THAP9: variants seen among roughly 807,000 people sequenced by gnomAD.
THAP9 encodes the protein DNA transposase THAP9.
In THAP9, 20 loss-of-function variants were observed where a neutral mutation model predicts 35.7. The observed-to-expected ratio is 0.56, with a 90% CI of 0.39 to 0.81. THAP9 has a LOEUF of 0.81. THAP9 is among the 40% of genes least tolerant of loss of function. The pLI is 0.00. For missense variants in THAP9, 870 were observed against 1,047.4 expected (o/e 0.83, Z 2.34); for synonymous variants, 335 against 373.7 (o/e 0.90, Z 1.19).
rs756285549 is a variant in THAP9 at position 82,900,860 on chromosome 4, G to A, written c.58G>A (p.Glu20Lys). 5 of 1,613,516 alleles carry A rather than the reference G, an allele frequency of 3.1e-6. No homozygotes were observed. The highest frequency in any genetic ancestry group is 1.1e-5 in the South Asian group (1 of 91,084). The change falls in exon 1 of 5, where the codon GAG becomes AAG. Residue 20 changes from glutamate (E) to lysine (K), a missense_variant. This residue lies in a region of THAP9 where 440 missense variants were observed against 501.2 expected (regional missense o/e 0.88). Coordinates refer to ENST00000302236, the MANE Select transcript of THAP9 (RefSeq NM_024672.6). ...CSTRDTVLSR[E>K]RGLSFHQFPT... ...CACCCGTGACACCGTGCTCAGCCGG[G>A]AGCGCGGCCTCTCCTTCCACCAGTG...
chr4:82,902,006 G>A (rs1400144696), intron 1 of THAP9, among the ~76,000 whole-genome samples: 1 of 151,568 alleles, frequency 6.6e-6, no homozygotes, highest in Non-Finnish European at 1.5e-5. Context: ...AACGCACAAG[G>A]TAAATGCTTT....
At chr4:82,908,737 G>A (rs1323000480) in intron 4 of THAP9, among the ~76,000 whole-genome samples, 1 of 152,130 alleles carries the variant, frequency 6.6e-6, no homozygotes, top group African/African-American at 2.4e-5. Flanking sequence ...TGGGATTACA[G>A]GCATGTGCCA....
At chr4:82,902,671 A>C (rs1450679625) in intron 1 of THAP9, among the ~76,000 whole-genome samples, 1 of 152,266 alleles carries the variant, frequency 6.6e-6, no homozygotes, top group Non-Finnish European at 1.5e-5. Flanking sequence ...AAAAGAACTC[A>C]GTGAAAAAAG....
At chr4:82,908,126 T>G (rs1720730481) in intron 4 of THAP9, among the ~76,000 whole-genome samples, 191 bp downstream of exon 4, 1 of 152,176 alleles carries the variant, frequency 6.6e-6, no homozygotes, top group African/African-American at 2.4e-5. Context: ...GGACTCCCAT[T>G]ATTAGCCCAT....
chr4:82,905,157 A>G (rs1219148390), intron 2 of THAP9, among the ~76,000 whole-genome samples: 3 of 152,314 alleles, frequency 2.0e-5, no homozygotes, highest in Admixed American at 1.3e-4. Context: ...CTAGATATAT[A>G]TAAAGGTTAC....
chr4:82,904,866 T>A lies in THAP9; in HGVS notation c.211T>A (p.Phe71Ile), dbSNP rs765355912. Reference protein sequence around the residue: ...LCSKHFQESDFESYGIRRKLK... With the variant: ...LCSKHFQESDIESYGIRRKLK... ...TTCCAAACATTTTCAAGAAAGTGACTTTGAGTCATATGGCATAAGAAGAAA... is the reference window on the plus strand; with the variant it reads ...TTCCAAACATTTTCAAGAAAGTGACATTGAGTCATATGGCATAAGAAGAAA... Residue 71 changes from phenylalanine (F) to isoleucine (I), a missense_variant, in exon 2 of 5, where the codon TTT becomes ATT. Physicochemically the swap from Phe to Ile is conservative, Grantham distance 21. Coordinates refer to ENST00000302236, the MANE Select transcript of THAP9 (RefSeq NM_024672.6). 1.9e-6 allele frequency: 3 copies of A among 1,614,046 alleles called. No homozygotes were observed. The highest frequency in any genetic ancestry group is 2.5e-6 in the Non-Finnish European group (3 of 1,179,986).
intron 3 of THAP9, among the ~76,000 whole-genome samples, chr4:82,907,435 A>T (rs376594424): frequency 1.3e-4 from 20 of 152,186 alleles, no homozygotes; most frequent in African/African-American, 4.8e-4. Context: ...TTTCATATCT[A>T]ATTTTCACCC....
chr4:82,917,926 C>G lies in THAP9; in HGVS notation c.1714C>G (p.Leu572Val), dbSNP rs1352182328. 1 of 1,613,920 alleles carries G rather than the reference C, an allele frequency of 6.2e-7. No homozygotes were observed. The highest frequency in any genetic ancestry group is 1.3e-5 in the African/African-American group (1 of 75,030). The change falls in exon 5 of 5, where the codon CTA becomes GTA. Residue 572 changes from leucine (L) to valine (V), a missense_variant. Leu to Val is a conservative substitution (Grantham distance 32). Transcript: ENST00000302236. ...TCAAATAATTAAAGGTAAGCAAAAACTAGGATTCCTGGGATTTTTGCTCAA... is the reference window on the plus strand; with the variant it reads ...TCAAATAATTAAAGGTAAGCAAAAAGTAGGATTCCTGGGATTTTTGCTCAA... Reference protein sequence around the residue: ...NNQIIKGKQKLGFLGFLLNAE... With the variant: ...NNQIIKGKQKVGFLGFLLNAE...
intron 4 of THAP9, 146 bp downstream of exon 4, chr4:82,908,081 AT>A: frequency 2.5e-6 from 2 of 786,022 alleles, no homozygotes; most frequent in Non-Finnish European, 3.7e-6. Context: ...TCATACTCCC[AT>A]TTAAAAAAAG....
At position 82,918,268 on chromosome 4, in the gene THAP9, GTCT is replaced by G. The variant is rs1031788482; in HGVS notation, c.2058_2060del (p.Phe687del). On this transcript the variant is annotated inframe_deletion, in exon 5 of 5. Transcript: ENST00000302236. ...GTATGGTGTCAGCGTTACAAAGACT[GTCT>G]TTCACGAAGAGGGTATTTGTCAAGA... The G allele has an allele frequency of 1.9e-6, 3 of 1,614,070 alleles. No individual in the cohort carries two copies. In the African/African-American group the frequency reaches 4.0e-5, roughly 22 times the overall value.
intron 1 of THAP9, 137 bp downstream of exon 1, chr4:82,901,019 G>C: frequency 9.5e-7 from 1 of 1,049,342 alleles, no homozygotes; most frequent in Non-Finnish European, 1.4e-6. Context: ...CAGCGTCGGG[G>C]CGTGGGAGCG....
chr4:82,902,344 T>G (rs1299617932), intron 1 of THAP9, among the ~76,000 whole-genome samples: 1 of 151,642 alleles, frequency 6.6e-6, no homozygotes, highest in African/African-American at 2.4e-5. Context: ...ATTACAGGCA[T>G]GAGCCACCCT....
chr4:82,918,632 T>C lies in THAP9; in HGVS notation c.2420T>C (p.Leu807Pro). Reference sequence around the variant, plus strand: ...CTTCAACAGAAAATATTATGTGAGCTTTCTGGGCATATTAATCTTTTTGTA... The same window carrying C: ...CTTCAACAGAAAATATTATGTGAGCCTTCTGGGCATATTAATCTTTTTGTA... ...LYLQQKILCELSGHINLFVDV... is the reference protein window; with the variant it reads ...LYLQQKILCEPSGHINLFVDV... Residue 807 changes from leucine to proline, a missense_variant, in exon 5 of 5, where the codon CTT (leucine) becomes CCT (proline). By Grantham distance (98) the Leu-to-Pro change is moderately conservative (BLOSUM62 -3). Transcript: ENST00000302236. 6 of 1,614,116 alleles carry C rather than the reference T, an allele frequency of 3.7e-6. No individual in the cohort carries two copies. The highest frequency in any genetic ancestry group is 5.1e-6 in the Non-Finnish European group (6 of 1,179,976).
rs1376243541 is a variant in THAP9 at position 82,906,353 on chromosome 4, A to T, written c.306A>T (p.Lys102Asn). The T allele has an allele frequency of 6.2e-7, 1 of 1,606,576 alleles. No homozygotes were observed. Among genetic ancestry groups the T allele is most frequent in the Non-Finnish European group, 8.5e-7 (1 of 1,175,982 alleles). The part of the protein sequence containing the change: ...KIPQGVHLKG[K>N]ARQKILKQPL... ...CTCAAGGTGTACATCTTAAAGGTAA[A>T]GCAAGACAAAAAATCCTAAAACAAC... Residue 102 changes from lysine to asparagine, a missense_variant, in exon 3 of 5, where the codon AAA becomes AAT. Lys to Asn is a moderately conservative substitution (Grantham distance 94). Around this residue, in one of 3 missense-constraint regions of THAP9, gnomAD observed 440 missense variants for 501.2 expected, o/e 0.88. Coordinates refer to ENST00000302236, the MANE Select transcript of THAP9 (RefSeq NM_024672.6).
At chr4:82,905,214 A>G (rs112815395) in intron 2 of THAP9, among the ~76,000 whole-genome samples, 2,923 of 152,296 alleles carry the variant, frequency 0.019, 95 homozygotes, top group African/African-American at 0.065. Context: ...GCCTTAGAAT[A>G]CAGGCTTTTG....
In THAP9 at chr4:82,918,305, A is replaced by G. The variant is rs969781921; in HGVS notation, c.2093A>G (p.His698Arg). ...HEEGICQDWSHCSLSEALLDL... is the reference protein window; with the variant it reads ...HEEGICQDWSRCSLSEALLDL... ...GAGGGTATTTGTCAAGACTGGTCTC[A>G]TTGTTCACTAAGTGAGGCATTACTA... Residue 698 changes from histidine to arginine, a missense_variant, in exon 5 of 5, where the codon CAT becomes CGT. His to Arg is a conservative substitution (Grantham distance 29). Coordinates refer to ENST00000302236, the MANE Select transcript of THAP9 (RefSeq NM_024672.6). The G allele has an allele frequency of 3.7e-6, 6 of 1,614,046 alleles. No homozygotes were observed. The highest frequency in any genetic ancestry group is 1.7e-5 in the Admixed American group (1 of 60,006).
Position 82,917,267 on chromosome 4 carries a change from A to C in THAP9, c.1055A>C (p.Gln352Pro), listed in dbSNP as rs180770321. ...AGAGCATCTGGATATTTGCAGGCTC[A>C]GCTGCTTCGTCTGACTATTGGTAAA... ...VNRASGYLQAQLLRLTIGKLS... is the reference protein window; with the variant it reads ...VNRASGYLQAPLLRLTIGKLS... Residue 352 changes from glutamine (Q) to proline (P), a missense_variant, in exon 5 of 5, where the codon CAG becomes CCG. By Grantham distance (76) the Gln-to-Pro change is moderately conservative. This residue lies in a region of THAP9 where 440 missense variants were observed against 501.2 expected (regional missense o/e 0.88). Coordinates refer to ENST00000302236, the MANE Select transcript of THAP9 (RefSeq NM_024672.6). 127 of 1,614,174 alleles carry C rather than the reference A, an allele frequency of 7.9e-5. No homozygotes were observed. The East Asian group carries it at 2.3e-3, about 29-fold the overall frequency.
At chr4:82,904,058 C>CTTTTTTTTTTTTTTTTTT (rs59655406) in intron 1 of THAP9, among the ~76,000 whole-genome samples, 12 of 82,214 alleles carry the variant, frequency 1.5e-4, no homozygotes, top group African/African-American at 9.3e-5. Context: ...TAGGCTCCCC[C>CTTTTTTTTTTTTTTTTTT]TTTTTTTTTT....
intron 1 of THAP9, among the ~76,000 whole-genome samples, chr4:82,904,058 C>CTTTTTTTTTTTT (rs59655406): frequency 1.2e-5 from 1 of 82,210 alleles, no homozygotes; most frequent in African/African-American, 4.7e-5. Flanking sequence ...TAGGCTCCCC[C>CTTTTTTTTTTTT]TTTTTTTTTT....
Sources: allele counts gnomAD v4.1 joint callset (sites outside exome capture counted in the v4.1 genomes callset), GRCh38; gene constraint gnomAD v4.1.1; regional missense constraint gnomAD v4.1.1; transcripts MANE v1.5; gene names NCBI Gene and HGNC (gene_info 2026-07-23, HGNC 2026-07-21).